The following FRY variants were observed in gnomAD, a reference collection of about 807,000 sequenced individuals.
FRY encodes the protein FRY microtubule binding protein, also known as protein furry homolog.
FRY carries 128 observed loss-of-function variants against 348.4 expected under a neutral mutation model. The observed-to-expected ratio is 0.37, with a 90% CI of 0.32 to 0.43. FRY has a LOEUF of 0.43. Among genes scored for constraint, FRY ranks in the 20% least tolerant of loss-of-function variants. The pLI is 1.00. For synonymous variants in FRY, 1,370 were observed against 1,374.7 expected, an observed-to-expected ratio of 1.00 and a Z score of 0.08; for missense variants, 2,736 against 3,695.2, an observed-to-expected ratio of 0.74 and a Z score of 6.73.
Position 32,157,259 on chromosome 13 carries a change from T to C in FRY, c.1652-14T>C, listed in dbSNP as rs777764904. The C allele has an allele frequency of 1.2e-6, 2 of 1,606,970 alleles. No homozygotes were observed. Among genetic ancestry groups the C allele is most frequent in the South Asian group, 1.1e-5 (1 of 90,958 alleles). The stretch of plus-strand genomic sequence containing the variant: ...GATTCAGTTGAAGGTATAACTATAA[T>C]GCATGTTTTTCAGGCATGTCCTTAT... On this transcript the variant is annotated splice_polypyrimidine_tract_variant and intron_variant, in intron 15 of 60. Transcript: ENST00000542859.
Position 32,127,573 on chromosome 13 carries a change from C to G in FRY, c.716+2698C>G, listed in dbSNP as rs937736231. Reference sequence around the variant, plus strand: ...TGGGCGGATCACAAGGCCAGGAGATCGAGACCATCCTGGCTAACACGTTGA... The same window carrying G: ...TGGGCGGATCACAAGGCCAGGAGATGGAGACCATCCTGGCTAACACGTTGA... On this transcript the variant is annotated intron_variant, in intron 7 of 60. Coordinates refer to ENST00000542859, the MANE Select transcript of FRY (RefSeq NM_023037.3). Among the ~76,000 whole-genome samples, 6 of 152,154 alleles carry G rather than the reference C, an allele frequency of 3.9e-5. No individual in the cohort carries two copies. The South Asian group carries it at 8.3e-4, about 21-fold the overall frequency.
intron 19 of FRY, 102 bp from the exon 20 acceptor site, chr13:32,175,444 C>T (rs1328133412): frequency 3.8e-6 from 3 of 790,582 alleles, no homozygotes; most frequent in African/African-American, 1.7e-5. Context: ...ACCCTTATCA[C>T]TATCTCACAA....
intron 3 of FRY, among the ~76,000 whole-genome samples, chr13:32,104,683 A>G (rs762876890): frequency 2.6e-5 from 4 of 152,118 alleles, no homozygotes; most frequent in Non-Finnish European, 5.9e-5. Context: ...TCCCCACCCA[A>G]ATCTCTCCTC....
At chr13:32,096,285 G>C (rs937134703) in intron 2 of FRY, among the ~76,000 whole-genome samples, 1 of 152,116 alleles carries the variant, frequency 6.6e-6, no homozygotes, top group Admixed American at 6.5e-5. Flanking sequence ...TACAGTTATA[G>C]TCAGCCATTT....
intron 42 of FRY, among the ~76,000 whole-genome samples, chr13:32,235,583 A>G (rs1308957160): frequency 4.6e-5 from 7 of 152,210 alleles, no homozygotes; most frequent in Non-Finnish European, 8.8e-5. Flanking sequence ...AAATCGTGCC[A>G]TTGTACTCAA....
At chr13:32,223,401 A>C (rs546366024) in intron 36 of FRY, among the ~76,000 whole-genome samples, 22 of 152,276 alleles carry the variant, frequency 1.4e-4, no homozygotes, top group African/African-American at 5.3e-4. Context: ...ATTAGTTACC[A>C]AGTAATAACT....
intron 14 of FRY, 77 bp from the exon 15 acceptor site, chr13:32,155,414 A>C: frequency 4.8e-6 from 5 of 1,044,326 alleles, no homozygotes; most frequent in Non-Finnish European, 7.5e-6. Context: ...AGTCTTAACT[A>C]TCTGAAAGAC....
chr13:32,261,577 G>T (rs1299696409), intron 51 of FRY, 39 bp from the exon 52 acceptor site: 1 of 1,536,998 alleles, frequency 6.5e-7, no homozygotes, highest in East Asian at 2.2e-5. Context: ...AGTGCAAGAG[G>T]ATTTTGGCAT....
intron 36 of FRY, among the ~76,000 whole-genome samples, chr13:32,223,087 G>A (rs1417550559): frequency 6.6e-6 from 1 of 152,064 alleles, no homozygotes; most frequent in African/African-American, 2.4e-5. Flanking sequence ...CTGTGTAGCT[G>A]GGATTATTAC....
rs1341645606 is a variant in FRY at position 32,239,183 on chromosome 13, T to A, written c.6419-69T>A. The A allele has an allele frequency of 1.0e-6, 1 of 967,094 alleles. No homozygotes were observed. Among genetic ancestry groups the A allele is most frequent in the East Asian group, 2.4e-5 (1 of 41,960 alleles). The allele number at this position is 967,094 out of a possible 1,614,324, so 59.9% of individuals were successfully genotyped here. On this transcript the variant is annotated intron_variant, in intron 44 of 60. Coordinates refer to ENST00000542859, the MANE Select transcript of FRY (RefSeq NM_023037.3). This position sits in a 1 kb window ranked among gnomAD's most constrained non-coding sequence, Gnocchi z 4.3. Reference sequence around the variant, plus strand: ...CACCTCAGTATAAAAATCTGTAACATGCCTTCCCACTGTTAACAGCTAAAA... The same window carrying A: ...CACCTCAGTATAAAAATCTGTAACAAGCCTTCCCACTGTTAACAGCTAAAA...
chr13:32,060,384 C>T (rs1873873778), intron 1 of FRY, among the ~76,000 whole-genome samples: 1 of 152,188 alleles, frequency 6.6e-6, no homozygotes, highest in African/African-American at 2.4e-5. Context: ...CTTTTAAAAT[C>T]ATGTAACTAT....
intron 17 of FRY, among the ~76,000 whole-genome samples, chr13:32,170,231 G>C (rs541760407): frequency 1.3e-5 from 2 of 152,122 alleles, no homozygotes; most frequent in Admixed American, 1.3e-4. Flanking sequence ...AATAGGATTC[G>C]ATACTAATTT....
intron 53 of FRY, among the ~76,000 whole-genome samples, chr13:32,263,828 G>A (rs994121782): frequency 3.9e-5 from 6 of 152,168 alleles, no homozygotes; most frequent in Non-Finnish European, 7.3e-5. Flanking sequence ...CCAAGATGGT[G>A]AAACCCTGTC....
intron 1 of FRY, among the ~76,000 whole-genome samples, chr13:32,072,670 A>C (rs898056325): frequency 6.6e-6 from 1 of 152,138 alleles, no homozygotes; most frequent in Admixed American, 6.6e-5. Flanking sequence ...GTTCGCAAAG[A>C]AGCTGCATCA....
intron 15 of FRY, among the ~76,000 whole-genome samples, chr13:32,156,228 A>T (rs1355357395): frequency 6.6e-6 from 1 of 152,222 alleles, no homozygotes. Flanking sequence ...TAGTTACTGG[A>T]TTCTACAGAC....
chr13:32,270,756 G>A (rs1054743907), intron 55 of FRY, among the ~76,000 whole-genome samples: 3 of 152,070 alleles, frequency 2.0e-5, no homozygotes, highest in Non-Finnish European at 4.4e-5. Context: ...CTGGCATCTC[G>A]GGATTTTGTA....
intron 60 of FRY, among the ~76,000 whole-genome samples, 164 bp from the exon 61 acceptor site, chr13:32,295,038 A>G (rs1216595252): frequency 6.6e-6 from 1 of 152,100 alleles, no homozygotes; most frequent in African/African-American, 2.4e-5. Context: ...AGATACTAAA[A>G]CCCACTGAAT....
chr13:32,206,006 C>T (rs1884332016), intron 31 of FRY, among the ~76,000 whole-genome samples: 1 of 151,854 alleles, frequency 6.6e-6, no homozygotes, highest in East Asian at 1.9e-4. Flanking sequence ...CTCCTAGAAA[C>T]CCAATACAGG....
intron 57 of FRY, among the ~76,000 whole-genome samples, chr13:32,277,450 A>AT (rs760500342): frequency 6.6e-6 from 1 of 152,212 alleles, no homozygotes; most frequent in East Asian, 1.9e-4. Flanking sequence ...CTCTTAAATT[A>AT]TATCGTTTAA....
Sources: allele counts gnomAD v4.1 joint callset (sites outside exome capture counted in the v4.1 genomes callset), GRCh38; gene constraint gnomAD v4.1.1; non-coding constraint Gnocchi (gnomAD v3.1); transcripts MANE v1.5; gene names NCBI Gene and HGNC (gene_info 2026-07-23, HGNC 2026-07-21).